Variants in DYNC1I1 observed in about 807,000 individuals in gnomAD.
DYNC1I1 encodes the protein dynein cytoplasmic 1 intermediate chain 1, also known as cytoplasmic dynein 1 intermediate chain 1.
Under a neutral mutation model 86.6 loss-of-function variants are expected in DYNC1I1, and 43 were observed. That is an observed-to-expected ratio of 0.50 (90% CI 0.39 to 0.64). The LOEUF is 0.64. DYNC1I1 is among the 30% of genes least tolerant of loss of function. The pLI, the probability that DYNC1I1 is intolerant of heterozygous loss-of-function variation, is 0.00. For synonymous variants in DYNC1I1, 262 were observed against 283.7 expected (o/e 0.92, Z 0.77); for missense variants, 604 against 788.8 (o/e 0.77, Z 2.81).
At chr7:96,013,975 G>A (rs112738783) in intron 10 of DYNC1I1, among the ~76,000 whole-genome samples, 5,727 of 152,104 alleles carry the variant, frequency 0.038, 137 homozygotes, top group Middle Eastern at 0.058. Context: ...TTTCCACTAC[G>A]TCTGTATCCT....
intron 6 of DYNC1I1, among the ~76,000 whole-genome samples, chr7:95,956,420 C>T (rs1450185858): frequency 6.8e-6 from 1 of 147,416 alleles, no homozygotes; most frequent in African/African-American, 2.5e-5. Context: ...TTCTGGGATA[C>T]ATGTGCAGAA....
intron 12 of DYNC1I1, among the ~76,000 whole-genome samples, chr7:96,034,000 A>G (rs997667760): frequency 2.6e-5 from 4 of 152,014 alleles, no homozygotes; most frequent in Admixed American, 1.3e-4. Flanking sequence ...ACGGAGTGAG[A>G]CTTTGTCTCT....
intron 5 of DYNC1I1, among the ~76,000 whole-genome samples, chr7:95,833,578 G>A (rs1245704246): frequency 2.2e-5 from 3 of 139,206 alleles, no homozygotes; most frequent in African/African-American, 5.4e-5. Flanking sequence ...CCATTTTCAC[G>A]ATATTGATTC....
chr7:95,976,028 A>G (rs1185187942), intron 6 of DYNC1I1, among the ~76,000 whole-genome samples: 1 of 152,186 alleles, frequency 6.6e-6, no homozygotes, highest in Non-Finnish European at 1.5e-5. Flanking sequence ...TAGATATGCT[A>G]TTTATAACTT....
intron 6 of DYNC1I1, among the ~76,000 whole-genome samples, chr7:95,931,091 T>C (rs1791882483): frequency 6.6e-6 from 1 of 152,210 alleles, no homozygotes; most frequent in Admixed American, 6.5e-5. Context: ...TAATTATTCT[T>C]TTATTATCAG....
intron 10 of DYNC1I1, among the ~76,000 whole-genome samples, chr7:96,008,232 G>A (rs1016965323): frequency 4.6e-5 from 7 of 152,100 alleles, no homozygotes; most frequent in South Asian, 2.1e-4. Flanking sequence ...AATCCTTTGA[G>A]GTGGTCATTC....
chr7:95,997,919 T>C (rs1422115528), intron 10 of DYNC1I1, among the ~76,000 whole-genome samples: 2 of 152,138 alleles, frequency 1.3e-5, no homozygotes, highest in African/African-American at 4.8e-5. Flanking sequence ...ATTGCTATGA[T>C]ATTTAGTATT....
At chr7:95,813,183 T>G (rs1447185351) in intron 3 of DYNC1I1, 64 bp from the exon 4 acceptor site, 5 of 1,611,338 alleles carry the variant, frequency 3.1e-6, no homozygotes, top group Non-Finnish European at 4.2e-6. Flanking sequence ...TGTCTGACAC[T>G]GCTCTTCACC....
At chr7:95,882,989 C>T (rs1434525186) in intron 6 of DYNC1I1, among the ~76,000 whole-genome samples, 1 of 152,026 alleles carries the variant, frequency 6.6e-6, no homozygotes, top group South Asian at 2.1e-4. Context: ...TTTTTCAAGG[C>T]CTTCTGGCTT....
intron 14 of DYNC1I1, among the ~76,000 whole-genome samples, chr7:96,057,228 G>A (rs932375783): frequency 6.6e-5 from 10 of 152,156 alleles, no homozygotes; most frequent in Admixed American, 3.3e-4. Flanking sequence ...AGGAGAATGA[G>A]GAAAGTATTG....
At chr7:95,945,480 C>G (rs1792373030) in intron 6 of DYNC1I1, among the ~76,000 whole-genome samples, 1 of 152,054 alleles carries the variant, frequency 6.6e-6, no homozygotes, top group South Asian at 2.1e-4. Flanking sequence ...AAAAAGTACT[C>G]CTTTAGAACT....
chr7:95,793,249 T>C (rs1385838476), intron 1 of DYNC1I1, among the ~76,000 whole-genome samples: 1 of 151,936 alleles, frequency 6.6e-6, no homozygotes, highest in African/African-American at 2.4e-5. Flanking sequence ...TATTAGGTGG[T>C]CAAATTGGGA....
At chr7:96,016,810 G>C (rs1478039957) in intron 10 of DYNC1I1, among the ~76,000 whole-genome samples, 1 of 152,082 alleles carries the variant, frequency 6.6e-6, no homozygotes, top group African/African-American at 2.4e-5. Context: ...CCTTTGCAAG[G>C]AGTTAGTACT....
At chr7:96,039,463 G>T in intron 14 of DYNC1I1, 42 bp downstream of exon 14, 1 of 1,611,702 alleles carries the variant, frequency 6.2e-7, no homozygotes, top group Non-Finnish European at 8.5e-7. Flanking sequence ...ATACATAAGG[G>T]CAGAGGATGG....
intron 4 of DYNC1I1, among the ~76,000 whole-genome samples, chr7:95,822,800 G>A (rs141652616): frequency 5.9e-5 from 9 of 152,290 alleles, no homozygotes; most frequent in South Asian, 4.1e-4. Flanking sequence ...GTTCCCCAGC[G>A]GGGAATACTG....
intron 4 of DYNC1I1, among the ~76,000 whole-genome samples, chr7:95,815,080 C>T (rs1794918165): frequency 6.6e-6 from 1 of 152,046 alleles, no homozygotes; most frequent in Non-Finnish European, 1.5e-5. Context: ...TTCAAGGGTG[C>T]AGTTGGCAGC....
At chr7:95,884,793 CA>C (rs201136452) in intron 6 of DYNC1I1, among the ~76,000 whole-genome samples, 8,472 of 126,282 alleles carry the variant, frequency 0.067, 315 homozygotes, top group African/African-American at 0.12. Context: ...AAAAAAAAGA[CA>C]AAAAAAAAAA....
chr7:96,037,457 A>G (rs1018871379), intron 13 of DYNC1I1, among the ~76,000 whole-genome samples: 7 of 152,190 alleles, frequency 4.6e-5, no homozygotes, highest in African/African-American at 1.4e-4. Context: ...GAACATGAGT[A>G]GAATGTCTTA....
chr7:96,056,791 G>A (rs1789590853), intron 14 of DYNC1I1, among the ~76,000 whole-genome samples: 1 of 151,988 alleles, frequency 6.6e-6, no homozygotes, highest in East Asian at 1.9e-4. Context: ...AAGTCAACAA[G>A]CATCTGTAGT....
Sources: allele counts gnomAD v4.1 joint callset (sites outside exome capture counted in the v4.1 genomes callset), GRCh38; gene constraint gnomAD v4.1.1; transcripts MANE v1.5; gene names NCBI Gene and HGNC (gene_info 2026-07-23, HGNC 2026-07-21).